Variants in AFF3 observed in about 807,000 individuals in gnomAD.
The protein encoded by AFF3 is ALF transcription elongation factor 3.
In AFF3, 32 loss-of-function variants were observed where a neutral mutation model predicts 129.7. The observed-to-expected ratio is 0.25, with a 90% CI of 0.19 to 0.33. The LOEUF is 0.33. AFF3 is among the 10% of genes least tolerant of loss of function. The pLI is 1.00. For missense variants in AFF3, 1,373 were observed against 1,592.0 expected, an observed-to-expected ratio of 0.86 and a Z score of 2.34; for synonymous variants, 644 against 635.4, an observed-to-expected ratio of 1.01 and a Z score of -0.20.
chr2:99,947,811 T>C (rs1576409593), intron 7 of AFF3, among the ~76,000 whole-genome samples: 1 of 151,760 alleles, frequency 6.6e-6, no homozygotes, highest in African/African-American at 2.4e-5. Context: ...GATAAGAGGG[T>C]TGGACACCAG....
intron 7 of AFF3, among the ~76,000 whole-genome samples, chr2:99,979,659 A>C (rs1679213764): frequency 6.6e-6 from 1 of 151,926 alleles, no homozygotes; most frequent in African/African-American, 2.4e-5. Flanking sequence ...TTAAATTTTA[A>C]CTTTTGTAGA....
At chr2:100,006,598 C>T (rs1215925944) in intron 7 of AFF3, 34 bp downstream of exon 7, 1 of 1,562,728 alleles carries the variant, frequency 6.4e-7, no homozygotes, top group Middle Eastern at 1.7e-4. Flanking sequence ...TGTAACTATG[C>T]AGTTGCATGT....
At chr2:99,623,673 C>T (rs1682273989) in intron 13 of AFF3, among the ~76,000 whole-genome samples, 1 of 152,182 alleles carries the variant, frequency 6.6e-6, no homozygotes, top group Non-Finnish European at 1.5e-5. Context: ...GAGGCTCGTC[C>T]CCCTGCCCAG....
chr2:100,076,426 T>C (rs2105329983), intron 4 of AFF3, among the ~76,000 whole-genome samples: 1 of 152,290 alleles, frequency 6.6e-6, no homozygotes, highest in Admixed American at 6.5e-5. Context: ...TGAAAGTAAA[T>C]ACACGTCACC....
At chr2:100,011,584 T>C (rs954082685) in intron 4 of AFF3, 7 of 780,760 alleles carry the variant, frequency 9.0e-6, no homozygotes, top group Admixed American at 5.1e-5. Context: ...GCAAGAAATA[T>C]AAACACCACA....
rs1391422028 is a variant in AFF3 at position 99,593,185 on chromosome 2, C to G, written c.2466+10G>C. 6.4e-7 allele frequency: 1 copy of G among 1,561,852 alleles called. No homozygotes were observed. Among genetic ancestry groups the G allele is most frequent in the Admixed American group, 1.8e-5 (1 of 55,186 alleles). On this transcript the variant is annotated intron_variant, in intron 15 of 24. Transcript: ENST00000672756. Reference sequence around the variant, plus strand: ...CCACGCCCCCGCACCCCAGTCAGCCCCAGGCCTACCTTGCGTTTCCTCTTG... The same window carrying G: ...CCACGCCCCCGCACCCCAGTCAGCCGCAGGCCTACCTTGCGTTTCCTCTTG...
chr2:99,597,884 C>T (rs1679445755), intron 14 of AFF3, among the ~76,000 whole-genome samples: 2 of 152,248 alleles, frequency 1.3e-5, no homozygotes, highest in Admixed American at 1.3e-4. Context: ...CGCACCAGCT[C>T]TCCATCATGC....
chr2:99,636,853 A>T (rs887039071), intron 13 of AFF3, among the ~76,000 whole-genome samples: 2 of 152,200 alleles, frequency 1.3e-5, no homozygotes, highest in African/African-American at 4.8e-5. Flanking sequence ...TCCAAAATGC[A>T]GTCATCAAAG....
intron 8 of AFF3, among the ~76,000 whole-genome samples, chr2:99,761,089 G>C (rs1467444210): frequency 1.3e-5 from 2 of 151,508 alleles, no homozygotes; most frequent in Admixed American, 6.6e-5. Flanking sequence ...CCAGGTGATG[G>C]AACTGAGAAT....
chr2:99,810,626 T>C (rs888169722), intron 8 of AFF3, among the ~76,000 whole-genome samples: 59 of 150,838 alleles, frequency 3.9e-4, no homozygotes, highest in Middle Eastern at 3.4e-3. Flanking sequence ...CTATCCACTT[T>C]AGTTCAAGTG....
chr2:99,699,959 T>A (rs1392354364), intron 11 of AFF3, among the ~76,000 whole-genome samples: 5 of 152,218 alleles, frequency 3.3e-5, no homozygotes, highest in Non-Finnish European at 7.3e-5. Flanking sequence ...CCCCATCTTG[T>A]GGAATTGGAT....
At chr2:100,017,575 A>C (rs1683238017) in intron 4 of AFF3, among the ~76,000 whole-genome samples, 1 of 152,230 alleles carries the variant, frequency 6.6e-6, no homozygotes, top group South Asian at 2.1e-4. Flanking sequence ...ACAAAGACCC[A>C]TAGACAAGTT....
At chr2:99,919,645 T>C (rs931329435) in intron 7 of AFF3, among the ~76,000 whole-genome samples, 1 of 152,146 alleles carries the variant, frequency 6.6e-6, no homozygotes, top group Non-Finnish European at 1.5e-5. Flanking sequence ...CAACTGGTAG[T>C]TCCTTTAAGA....
intron 8 of AFF3, among the ~76,000 whole-genome samples, chr2:99,776,340 T>A (rs1683902805): frequency 6.6e-6 from 1 of 152,224 alleles, no homozygotes; most frequent in African/African-American, 2.4e-5. Flanking sequence ...GTTGTATTTC[T>A]GTAGTTAGAG....
chr2:99,610,201 C>T (rs1479265525), intron 13 of AFF3, among the ~76,000 whole-genome samples: 2 of 152,142 alleles, frequency 1.3e-5, no homozygotes, highest in Non-Finnish European at 2.9e-5. Flanking sequence ...ATGTAACCAC[C>T]ACCACGATTA....
chr2:100,092,669 G>A (rs1689958058), intron 4 of AFF3, among the ~76,000 whole-genome samples: 1 of 152,110 alleles, frequency 6.6e-6, no homozygotes, highest in South Asian at 2.1e-4. Context: ...CACTGCTATT[G>A]TTCACAACTT....
At position 99,559,727 on chromosome 2, in the gene AFF3, G is replaced by A. The variant is rs940314344; in HGVS notation, c.3191+638C>T. On this transcript the variant is annotated intron_variant, in intron 21 of 24. Coordinates refer to ENST00000672756, the MANE Select transcript of AFF3 (RefSeq NM_001386135.1). ...CATCCAGAATACCAACATTCTGGGT[G>A]CAATGGCACCATCTCCTCCTACCAA... Among the ~76,000 whole-genome samples the A allele has an allele frequency of 2.6e-5, 4 of 152,344 alleles. No individual in the cohort carries two copies. In the East Asian group the frequency reaches 7.7e-4, roughly 29 times the overall value.
intron 8 of AFF3, among the ~76,000 whole-genome samples, chr2:99,758,899 C>T (rs554147465): frequency 8.5e-5 from 13 of 152,300 alleles, no homozygotes; most frequent in Admixed American, 7.2e-4. Flanking sequence ...AGAATCCTCA[C>T]CCTAGTACTC....
At chr2:99,623,477 T>G (rs1682246233) in intron 13 of AFF3, among the ~76,000 whole-genome samples, 2 of 152,120 alleles carry the variant, frequency 1.3e-5, no homozygotes, top group Non-Finnish European at 2.9e-5. Context: ...CAATTTAGCA[T>G]GTGCAAGGAG....
Sources: gnomAD v4.1 joint callset for allele counts (sites outside exome capture counted in the v4.1 genomes callset) on GRCh38, gnomAD v4.1.1 for gene constraint, MANE v1.5 for transcripts, NCBI Gene and HGNC (gene_info 2026-07-23, HGNC 2026-07-21) for gene names.